The following KCNK2 variants were observed in gnomAD, a reference collection of about 807,000 sequenced individuals.
KCNK2 encodes the protein potassium two pore domain channel subfamily K member 2.
In KCNK2, 21 loss-of-function variants were observed where a neutral mutation model predicts 40.5. The ratio of observed to expected loss-of-function variants is 0.52; its 90% confidence interval spans 0.37 to 0.75. The LOEUF (loss-of-function observed/expected upper bound fraction) is 0.75, where lower values mean the gene tolerates loss of function less well. Ranked by LOEUF, KCNK2 falls within the 30% of genes least tolerant of loss-of-function variation. KCNK2 has a pLI of 0.00. For missense variants in KCNK2, 399 were observed against 531.6 expected (o/e 0.75, Z 2.45); for synonymous variants, 191 against 202.2 (o/e 0.94, Z 0.47).
chr1:215,062,217 A>G (rs560416462), intron 1 of KCNK2, among the ~76,000 whole-genome samples: 17 of 152,290 alleles, frequency 1.1e-4, no homozygotes, highest in African/African-American at 3.8e-4. Flanking sequence ...AAAACATTAT[A>G]CTGGAAACCA....
At chr1:215,148,709 C>T (rs865928092) in intron 3 of KCNK2, among the ~76,000 whole-genome samples, 33 of 152,156 alleles carry the variant, frequency 2.2e-4, no homozygotes, top group Admixed American at 8.5e-4. Flanking sequence ...TGAGAGTTCA[C>T]GTTAGAGTAA....
rs748893772 is a variant in KCNK2, at chr1:215,083,443, C to A, written c.46+12C>A. Reference sequence around the variant, plus strand: ...CTATAGAGCAGGAGGTGAGACCCCCCCTCCGGTACCCCCACCCCTCTGGCC... The same window carrying A: ...CTATAGAGCAGGAGGTGAGACCCCCACTCCGGTACCCCCACCCCTCTGGCC... On this transcript the variant is annotated intron_variant, in intron 1 of 6. Coordinates refer to ENST00000444842, the MANE Select transcript of KCNK2 (RefSeq NM_001017425.3). 3.1e-6 allele frequency: 5 copies of A among 1,596,402 alleles called. No individual in the cohort carries two copies. The highest frequency in any genetic ancestry group is 3.4e-6 in the Non-Finnish European group (4 of 1,164,482).
chr1:215,064,714 G>A (rs930543890), intron 1 of KCNK2, among the ~76,000 whole-genome samples: 7 of 152,094 alleles, frequency 4.6e-5, no homozygotes, highest in Admixed American at 6.6e-5. Context: ...GAGAAACAGG[G>A]GCCACTCTGT....
intron 1 of KCNK2, among the ~76,000 whole-genome samples, chr1:215,040,646 C>T (rs894057090): frequency 2.0e-5 from 3 of 152,122 alleles, no homozygotes; most frequent in Non-Finnish European, 4.4e-5. Flanking sequence ...CCTCTGTGAA[C>T]TGGCATGATG....
chr1:215,171,937 TCTCTCC>T lies in KCNK2; in HGVS notation c.637-58_637-53del, dbSNP rs528595343. On this transcript the variant is annotated intron_variant, in intron 4 of 6. Coordinates refer to ENST00000444842, the MANE Select transcript of KCNK2 (RefSeq NM_001017425.3). ...CTCTCTTTGTCTCTCTCTCTCTCTC[TCTCTCC>T]CCCCATTTATATACATATATATATA... 4.0e-3 allele frequency: 3,545 copies of T among 879,332 alleles called. 68 individuals carry two copies. The African/African-American group carries it at 0.056, about 14-fold the overall frequency. The allele number at this position is 879,332 out of a possible 1,614,324, so 54.5% of individuals were successfully genotyped here.
intron 5 of KCNK2, among the ~76,000 whole-genome samples, chr1:215,188,189 T>G (rs1486533985): frequency 3.3e-5 from 5 of 152,200 alleles, no homozygotes; most frequent in African/African-American, 7.2e-5. Context: ...TCATCACACA[T>G]GTAGTTTTGA....
intron 2 of KCNK2, among the ~76,000 whole-genome samples, chr1:215,092,500 G>A (rs1184967193): frequency 1.3e-5 from 2 of 152,152 alleles, no homozygotes; most frequent in African/African-American, 2.4e-5. Flanking sequence ...CAGTACCCAA[G>A]TAAAGCCATG....
chr1:215,219,672 AT>A (rs947860343), intron 6 of KCNK2, among the ~76,000 whole-genome samples: 19 of 151,750 alleles, frequency 1.3e-4, no homozygotes, highest in African/African-American at 2.4e-4. Flanking sequence ...TTTAATGCAT[AT>A]TTTTTTTGGA....
chr1:215,139,470 G>A (rs1662074388), intron 3 of KCNK2, among the ~76,000 whole-genome samples: 2 of 152,012 alleles, frequency 1.3e-5, no homozygotes, highest in Admixed American at 1.3e-4. Flanking sequence ...TTTTTTGTTT[G>A]CAATGGGTAT....
At chr1:215,056,268 A>G (rs1658156298) in intron 1 of KCNK2, among the ~76,000 whole-genome samples, 1 of 141,348 alleles carries the variant, frequency 7.1e-6, no homozygotes, top group African/African-American at 2.6e-5. Context: ...AGATCGCGCC[A>G]TTGCACTCCA....
intron 2 of KCNK2, among the ~76,000 whole-genome samples, chr1:215,124,420 T>C (rs984183745): frequency 3.3e-5 from 5 of 152,180 alleles, no homozygotes; most frequent in African/African-American, 1.2e-4. Context: ...TGCCAATCAA[T>C]TCACTTGATA....
chr1:215,081,178 TGTG>T (rs1368780855), upstream of KCNK2, among the ~76,000 whole-genome samples: 1 of 151,006 alleles, frequency 6.6e-6, no homozygotes, highest in Non-Finnish European at 1.5e-5. Flanking sequence ...TGTGTGTGTG[TGTG>T]TGTGTGTGTG....
At chr1:215,084,837 C>A (rs557571069) in intron 1 of KCNK2, among the ~76,000 whole-genome samples, 1 of 152,320 alleles carries the variant, frequency 6.6e-6, no homozygotes, top group African/African-American at 2.4e-5. Context: ...CTCATCACAG[C>A]TCTAATTTCA....
chr1:215,210,530 A>G (rs2102688172), intron 6 of KCNK2, among the ~76,000 whole-genome samples: 1 of 152,256 alleles, frequency 6.6e-6, no homozygotes, highest in African/African-American at 2.4e-5. Context: ...AAAGATGCAT[A>G]GCACTAATTA....
intron 3 of KCNK2, among the ~76,000 whole-genome samples, chr1:215,140,833 A>G (rs1662140724): frequency 6.6e-6 from 1 of 152,126 alleles, no homozygotes; most frequent in Non-Finnish European, 1.5e-5. Flanking sequence ...CTCTTCAATA[A>G]TAAATTAGCT....
intron 1 of KCNK2, among the ~76,000 whole-genome samples, chr1:215,010,872 G>T (rs868334738): frequency 0.016 from 1,888 of 117,492 alleles, 11 homozygotes; most frequent in African/African-American, 0.02. Context: ...TTTTTTTTGT[G>T]TGTGTGTGTG....
At chr1:215,102,956 G>A (rs1394349712) in intron 2 of KCNK2, among the ~76,000 whole-genome samples, 1 of 151,976 alleles carries the variant, frequency 6.6e-6, no homozygotes, top group Non-Finnish European at 1.5e-5. Context: ...TAAGAAACAT[G>A]TGACAGTCAT....
chr1:215,184,617 G>A (rs1664355222), intron 5 of KCNK2, among the ~76,000 whole-genome samples: 1 of 152,132 alleles, frequency 6.6e-6, no homozygotes, highest in Non-Finnish European at 1.5e-5. Flanking sequence ...TTCACATAGT[G>A]ACAGGGAGAA....
chr1:215,140,625 A>C lies in KCNK2; in HGVS notation c.475+15875A>C, dbSNP rs367743433. Reference sequence around the variant, plus strand: ...AGAAAAGATGCACAAAATAAATGGTATAAAAGATTTTTTAAAAATAGTACA... The same window carrying C: ...AGAAAAGATGCACAAAATAAATGGTCTAAAAGATTTTTTAAAAATAGTACA... On this transcript the variant is annotated intron_variant, in intron 3 of 6. Coordinates refer to ENST00000444842, the MANE Select transcript of KCNK2 (RefSeq NM_001017425.3). Among the ~76,000 whole-genome samples the C allele has an allele frequency of 5.4e-4, 83 of 152,304 alleles. No individual in the cohort carries two copies. In the South Asian group the frequency reaches 0.017, roughly 32 times the overall value.
Sources: allele counts gnomAD v4.1 joint callset (sites outside exome capture counted in the v4.1 genomes callset), GRCh38; gene constraint gnomAD v4.1.1; transcripts MANE v1.5; gene names NCBI Gene and HGNC (gene_info 2026-07-23, HGNC 2026-07-21).